Variants in MUC7 observed in about 807,000 individuals in gnomAD.
MUC7 encodes the protein mucin 7, secreted.
A neutral mutation model predicts 2.5 loss-of-function variants in MUC7; 2 were observed. The ratio of observed to expected loss-of-function variants is 0.81; its 90% CI spans 0.33 to 2.55. The LOEUF (loss-of-function observed/expected upper bound fraction) is 2.55. Among genes scored for constraint, MUC7 ranks in the 30% most tolerant of loss-of-function variants. The pLI, the probability that MUC7 is intolerant of heterozygous loss-of-function variation, is 0.11. For missense variants in MUC7, 408 were observed against 455.6 expected (o/e 0.90, Z 0.95); for synonymous variants, 133 against 173.4 (o/e 0.77, Z 1.83).
chr4:70,478,681 G>A (rs1336686017), intron 2 of MUC7, among the ~76,000 whole-genome samples: 1 of 152,144 alleles, frequency 6.6e-6, no homozygotes, highest in East Asian at 1.9e-4. Context: ...GAAAGACCGA[G>A]ATCATGGAAT....
At chr4:70,474,861 C>T (rs1233433247) in intron 2 of MUC7, among the ~76,000 whole-genome samples, 2 of 151,808 alleles carry the variant, frequency 1.3e-5, no homozygotes, top group Non-Finnish European at 2.9e-5. Flanking sequence ...TGGCAGTGGT[C>T]CAGATAAAAG....
upstream of MUC7, among the ~76,000 whole-genome samples, chr4:70,468,082 G>A (rs183346127): frequency 9.2e-5 from 14 of 152,164 alleles, no homozygotes; most frequent in African/African-American, 3.1e-4. Flanking sequence ...CTTTACCCCG[G>A]GATGCAAGGC....
intron 2 of MUC7, 142 bp downstream of exon 2, chr4:70,474,217 A>G: frequency 3.0e-6 from 2 of 670,646 alleles, no homozygotes; most frequent in Non-Finnish European, 5.1e-6. Context: ...ACCTATAAAT[A>G]TGGACAATTG....
chr4:70,473,959 T>C (rs1734914909), intron 1 of MUC7, 48 bp from the exon 2 acceptor site: 1 of 1,327,626 alleles, frequency 7.5e-7, no homozygotes, highest in Admixed American at 1.8e-5. Context: ...CGCATTCCTC[T>C]CCCATAATAT....
chr4:70,435,912 CT>C (rs1479084664), intron 1 of MUC7, among the ~76,000 whole-genome samples: 1 of 152,184 alleles, frequency 6.6e-6, no homozygotes, highest in Non-Finnish European at 1.5e-5. Flanking sequence ...GATAAAATCT[CT>C]TCACATTTGC....
At chr4:70,451,041 G>A (rs917349879) in intron 1 of MUC7, among the ~76,000 whole-genome samples, 2 of 152,144 alleles carry the variant, frequency 1.3e-5, no homozygotes, top group Non-Finnish European at 2.9e-5. Context: ...AGCCTTTATG[G>A]CCTAGACTGC....
chr4:70,435,563 T>G (rs1013283619), intron 1 of MUC7, among the ~76,000 whole-genome samples: 1 of 152,236 alleles, frequency 6.6e-6, no homozygotes, highest in African/African-American at 2.4e-5. Flanking sequence ...TGGTAGATCT[T>G]CCTCCAACTC....
In MUC7 at chr4:70,437,469, G is replaced by T. The variant is rs201741332; in HGVS notation, c.-93+6782G>T. 5.3e-5 allele frequency among the ~76,000 whole-genome samples: 8 copies of T among 152,306 alleles called. No homozygotes were observed. In the East Asian group the frequency reaches 7.7e-4, roughly 15 times the overall value. ...CCGCCACGCTGTAGCGTCCCAGGTCGATCTCAGACTGCTGTACTAGCAGCA... is the reference window on the plus strand; with the variant it reads ...CCGCCACGCTGTAGCGTCCCAGGTCTATCTCAGACTGCTGTACTAGCAGCA... On this transcript the variant is annotated intron_variant, in intron 1 of 3. Coordinates refer to the MUC7 transcript ENST00000413702.
At chr4:70,464,677 T>C (rs945329704) in intron 1 of MUC7, among the ~76,000 whole-genome samples, 1 of 152,122 alleles carries the variant, frequency 6.6e-6, no homozygotes, top group African/African-American at 2.4e-5. Flanking sequence ...AAAGCCACTG[T>C]AGCCAGATTG....
intron 1 of MUC7, among the ~76,000 whole-genome samples, chr4:70,434,257 C>G (rs1287906271): frequency 6.6e-6 from 1 of 152,118 alleles, no homozygotes; most frequent in Non-Finnish European, 1.5e-5. Flanking sequence ...GGAGGATTCC[C>G]TCTTTTTCTA....
At chr4:70,480,690 T>G in intron 2 of MUC7, 109 bp from the exon 3 acceptor site, 1 of 1,172,148 alleles carries the variant, frequency 8.5e-7, no homozygotes, top group African/African-American at 1.5e-5. Flanking sequence ...GTACTCTGGT[T>G]TCTAATCCCA....
intron 1 of MUC7, among the ~76,000 whole-genome samples, chr4:70,445,557 C>G (rs1041136497): frequency 3.9e-5 from 6 of 152,186 alleles, no homozygotes; most frequent in African/African-American, 1.4e-4. Flanking sequence ...CAGCACCACT[C>G]TAGGTGCTCA....
At chr4:70,464,033 T>C (rs1734620708) in intron 1 of MUC7, among the ~76,000 whole-genome samples, 1 of 152,186 alleles carries the variant, frequency 6.6e-6, no homozygotes, top group African/African-American at 2.4e-5. Flanking sequence ...GATTTCTGCA[T>C]TTCCAACTGA....
In MUC7 at chr4:70,482,631, T is replaced by C. The variant is rs1577919797; in HGVS notation, c.*753T>C. 2 of 152,370 alleles carry C rather than the reference T, an allele frequency of 1.3e-5. No homozygotes were observed. The highest frequency in any genetic ancestry group is 4.1e-4 in the South Asian group (2 of 4,830). The allele number at this position is 152,370 out of a possible 1,614,324, so 9.4% of individuals were successfully genotyped here. On this transcript the variant is annotated 3_prime_UTR_variant, in exon 3 of 3. Coordinates refer to ENST00000304887, the MANE Select transcript of MUC7 (RefSeq NM_152291.3). Reference sequence around the variant, plus strand: ...CTAATGTACCTGATTCTAGCCTCTGTGAACAACAAGAATATGTTTGTGTAT... The same window carrying C: ...CTAATGTACCTGATTCTAGCCTCTGCGAACAACAAGAATATGTTTGTGTAT...
chr4:70,435,206 G>A (rs1029557537), intron 1 of MUC7, among the ~76,000 whole-genome samples: 7 of 152,192 alleles, frequency 4.6e-5, no homozygotes, highest in African/African-American at 1.7e-4. Context: ...GGAGAATTCT[G>A]TAGATGTCTA....
intron 1 of MUC7, among the ~76,000 whole-genome samples, chr4:70,434,458 G>A (rs1054574197): frequency 6.6e-6 from 1 of 152,158 alleles, no homozygotes. Flanking sequence ...GAGGGTGTAT[G>A]TGTCCAGGAA....
rs1735231613 is a variant in MUC7, at chr4:70,482,554, G to T, written c.*676G>T. On this transcript the variant is annotated 3_prime_UTR_variant, in exon 3 of 3. Coordinates refer to ENST00000304887, the MANE Select transcript of MUC7 (RefSeq NM_152291.3). ...ACTATTTTTCTTAGTGTATATAATT[G>T]TTTAAACTGCAAGGTTGACATTTAT... 6.6e-6 allele frequency: 1 copy of T among 152,222 alleles called. No individual in the cohort carries two copies. Among genetic ancestry groups the T allele is most frequent in the Non-Finnish European group, 1.5e-5 (1 of 68,068 alleles). 9.4% of individuals were successfully genotyped at this position (152,222 alleles called of 1,614,324 possible).
rs776332319 is a variant in MUC7 at position 70,480,979 on chromosome 4, A to C, written c.235A>C (p.Asn79His). ...RCRPKLPPSP[N>H]NPPKFPNPHQ... ...TAGGCCTAAGCTTCCACCTTCACCT[A>C]ATAACCCCCCCAAATTCCCAAATCC... is the stretch of plus-strand genomic sequence containing the variant. The change falls in exon 3 of 3, where the codon AAT becomes CAT. Residue 79 changes from asparagine to histidine, a missense_variant. By Grantham distance (68) the Asn-to-His change is moderately conservative (BLOSUM62 1). Around this residue, in one of 3 missense-constraint regions of MUC7, gnomAD observed 225 missense variants for 240.5 expected, o/e 0.94. Transcript: ENST00000304887. The C allele has an allele frequency of 2.5e-6, 4 of 1,613,966 alleles. No individual in the cohort carries two copies. In the South Asian group the frequency reaches 4.4e-5, roughly 18 times the overall value.
chr4:70,466,058 C>T lies in MUC7; in HGVS notation c.-92-6157C>T, dbSNP rs139688289. Among the ~76,000 whole-genome samples the T allele has an allele frequency of 5.9e-5, 9 of 152,306 alleles. No individual in the cohort carries two copies. In the East Asian group the frequency reaches 1.7e-3, roughly 29 times the overall value. On this transcript the variant is annotated intron_variant, in intron 1 of 3. Coordinates refer to the MUC7 transcript ENST00000413702. ...AACTAACATAAGACTAGCAGAGGAC[C>T]TCTCTGCAGAAACCCTGCAAGCCAG... is the stretch of plus-strand genomic sequence containing the variant.
Sources: gnomAD v4.1 joint callset for allele counts (sites outside exome capture counted in the v4.1 genomes callset) on GRCh38, gnomAD v4.1.1 for gene constraint, gnomAD v4.1.1 regional missense constraint, MANE v1.5 for transcripts, NCBI Gene and HGNC (gene_info 2026-07-23, HGNC 2026-07-21) for gene names.